ERCC1: variants seen among roughly 807,000 people sequenced by gnomAD.
ERCC1 encodes DNA excision repair protein ERCC-1.
In ERCC1, 36 loss-of-function variants were observed where a neutral mutation model predicts 37.6. That is an observed-to-expected ratio of 0.96 (90% CI 0.73 to 1.26). The LOEUF (loss-of-function observed/expected upper bound fraction) is 1.26. ERCC1 is among the 50% of genes most tolerant of loss of function. The pLI, the probability that ERCC1 is intolerant of heterozygous loss-of-function variation, is 0.00. For synonymous variants in ERCC1, 156 were observed against 162.1 expected, an observed-to-expected ratio of 0.96 and a Z score of 0.28; for missense variants, 349 against 376.5, an observed-to-expected ratio of 0.93 and a Z score of 0.60.
chr19:45,450,035 T>C (rs982710214), intron 1 of ERCC1, among the ~76,000 whole-genome samples: 8 of 152,180 alleles, frequency 5.3e-5, no homozygotes, highest in Admixed American at 5.2e-4. Context: ...TAAACCTATT[T>C]TATACGGAGC....
intron 9 of ERCC1, chr19:45,413,355 C>T (rs1279350434): frequency 1.7e-6 from 1 of 586,878 alleles, no homozygotes; most frequent in Non-Finnish European, 3.0e-6. Context: ...CAGCCTCAAC[C>T]TCCTGGGCTC....
chr19:45,419,045 A>G (rs1483653015), intron 5 of ERCC1, 53 bp downstream of exon 5: 14 of 1,239,694 alleles, frequency 1.1e-5, no homozygotes, highest in Non-Finnish European at 1.6e-5. Context: ...TCAACAGCCC[A>G]CTGCACAACC....
In ERCC1 at chr19:45,409,473, G is replaced by GGAA. The variant is rs759287808; in HGVS notation, c.*199_*201dup. The GGAA allele has an allele frequency of 8.7e-6, 14 of 1,610,350 alleles. No homozygotes were observed. The highest frequency in any genetic ancestry group is 8.4e-5 in the Admixed American group (5 of 59,498). On this transcript the variant is annotated 3_prime_UTR_variant, in exon 10 of 10. Coordinates refer to ENST00000300853, the MANE Select transcript of ERCC1 (RefSeq NM_001983.4). ...GCTCCCACAGGCCGGGACAAGAAGC[G>GGAA]GAAGCAGCAGCAGCAGCAGCCTGTG...
At position 45,444,513 on chromosome 19, in the gene ERCC1, G is replaced by T. The variant is rs564716983; in HGVS notation, c.-7-21132C>A. Among the ~76,000 whole-genome samples, 610 of 152,286 alleles carry T rather than the reference G, an allele frequency of 4.0e-3. 7 individuals are homozygous for T. The highest frequency in any genetic ancestry group is 0.014 in the African/African-American group (568 of 41,566). On this transcript the variant is annotated intron_variant, in intron 1 of 8. Transcript: ENST00000423698. ...GTCAGGAGGCCACCGGGCCGGGACGGAGCACCCAGGCCTGCGCGCCAAACC... is the reference window on the plus strand; with the variant it reads ...GTCAGGAGGCCACCGGGCCGGGACGTAGCACCCAGGCCTGCGCGCCAAACC...
chr19:45,442,192 T>C (rs1385365546), intron 1 of ERCC1, among the ~76,000 whole-genome samples: 1 of 151,096 alleles, frequency 6.6e-6, no homozygotes, highest in African/African-American at 2.4e-5. Context: ...GGCATGCACC[T>C]GTGGTCCCAC....
intron 1 of ERCC1, among the ~76,000 whole-genome samples, chr19:45,430,816 C>T (rs1230548596): frequency 6.6e-6 from 1 of 151,824 alleles, no homozygotes; most frequent in Non-Finnish European, 1.5e-5. Flanking sequence ...ACTTGGGAGG[C>T]CGAGGTGGGA....
chr19:45,438,002 G>T (rs932093572), intron 1 of ERCC1, among the ~76,000 whole-genome samples: 2 of 151,346 alleles, frequency 1.3e-5, no homozygotes, highest in Non-Finnish European at 3.0e-5. Flanking sequence ...CTGCCTCCTG[G>T]GTTCAAGTGA....
chr19:45,441,411 C>T (rs1170235562), intron 1 of ERCC1, among the ~76,000 whole-genome samples: 1 of 152,082 alleles, frequency 6.6e-6, no homozygotes, highest in South Asian at 2.1e-4. Flanking sequence ...GGGGGTCATC[C>T]CTGAGGTGAA....
chr19:45,435,468 CT>C (rs1048322173), intron 1 of ERCC1, among the ~76,000 whole-genome samples: 21 of 152,248 alleles, frequency 1.4e-4, no homozygotes, highest in African/African-American at 5.1e-4. Flanking sequence ...ACATTCTGGC[CT>C]TTTTGTTTTT....
intron 1 of ERCC1, among the ~76,000 whole-genome samples, chr19:45,432,033 G>A (rs888210713): frequency 2.0e-5 from 3 of 151,876 alleles, no homozygotes; most frequent in Admixed American, 1.3e-4. Context: ...GTGCAATGGC[G>A]CAATCTTGGC....
chr19:45,440,787 G>A (rs1411327729), intron 1 of ERCC1, among the ~76,000 whole-genome samples: 2 of 152,122 alleles, frequency 1.3e-5, no homozygotes, highest in Non-Finnish European at 2.9e-5. Flanking sequence ...ATGCTGGAAT[G>A]CAGTGCTGGG....
chr19:45,417,432 G>A (rs1464816149), intron 5 of ERCC1, among the ~76,000 whole-genome samples: 1 of 152,170 alleles, frequency 6.6e-6, no homozygotes, highest in Non-Finnish European at 1.5e-5. Context: ...AAAGGAGGAT[G>A]AGGAGGAGGA....
intron 1 of ERCC1, among the ~76,000 whole-genome samples, chr19:45,446,364 G>C (rs536502990): frequency 6.6e-6 from 1 of 152,262 alleles, no homozygotes; most frequent in South Asian, 2.1e-4. Flanking sequence ...TGAGTTAAGA[G>C]AGGCAAAATT....
intron 1 of ERCC1, among the ~76,000 whole-genome samples, chr19:45,430,299 G>C (rs541897291): frequency 1.3e-5 from 2 of 152,180 alleles, no homozygotes; most frequent in Non-Finnish European, 2.9e-5. Context: ...CTCTGTGACC[G>C]GCACGCATGA....
In ERCC1 at chr19:45,448,448, A is replaced by T. The variant is rs371007393; in HGVS notation, c.-7-25067T>A. ...AGTAATAAAGGAAAATCACAAACAG[A>T]GACAGAGACCCAGAAAGGGACTCAC... is the stretch of plus-strand genomic sequence containing the variant. On this transcript the variant is annotated intron_variant, in intron 1 of 8. Coordinates refer to the ERCC1 transcript ENST00000423698. Among the ~76,000 whole-genome samples, 8 of 152,180 alleles carry T rather than the reference A, an allele frequency of 5.3e-5. No homozygotes were observed. In the South Asian group the frequency reaches 1.7e-3, roughly 32 times the overall value.
chr19:45,450,437 G>A (rs531061510), intron 1 of ERCC1, among the ~76,000 whole-genome samples: 1 of 152,236 alleles, frequency 6.6e-6, no homozygotes, highest in South Asian at 2.1e-4. Context: ...GCGGCCGGCC[G>A]AGGTCGGCGC....
chr19:45,428,632 G>A (rs1304652666), upstream of ERCC1, among the ~76,000 whole-genome samples: 3 of 152,326 alleles, frequency 2.0e-5, no homozygotes, highest in Non-Finnish European at 4.4e-5. Context: ...GTTCGCCCCG[G>A]AACGGGTGGG....
intron 1 of ERCC1, among the ~76,000 whole-genome samples, chr19:45,444,767 C>A (rs1452758402): frequency 6.6e-6 from 1 of 152,184 alleles, no homozygotes; most frequent in African/African-American, 2.4e-5. Context: ...TACACACGGG[C>A]AACACCGAGG....
rs538968392 is a variant in ERCC1, at chr19:45,415,523, C to A, written c.603-563G>T. 8.1e-5 allele frequency among the ~76,000 whole-genome samples: 12 copies of A among 148,304 alleles called. No homozygotes were observed. In the South Asian group the frequency reaches 1.1e-3, roughly 13 times the overall value. ...TGGTAGCGGGCGCCTGTAGTCCCAG[C>A]TTTTCAGGAGGCTGAGGCATGAGAA... is the stretch of plus-strand genomic sequence containing the variant. On this transcript the variant is annotated intron_variant, in intron 6 of 9. Transcript: ENST00000300853.
Sources: allele counts gnomAD v4.1 joint callset (sites outside exome capture counted in the v4.1 genomes callset), GRCh38; gene constraint gnomAD v4.1.1; transcripts MANE v1.5; gene names NCBI Gene and HGNC (gene_info 2026-07-23, HGNC 2026-07-21).